WDR33: variants seen among roughly 807,000 people sequenced by gnomAD.
WDR33 encodes the protein WD repeat domain 33, also known as pre-mRNA 3' end processing protein WDR33.
In WDR33, 47 loss-of-function variants were observed where a neutral mutation model predicts 164.9. That is an observed-to-expected ratio of 0.29 (90% CI 0.23 to 0.36). The LOEUF is 0.36. WDR33 is among the 10% of genes least tolerant of loss of function. The pLI, the probability that WDR33 is intolerant of heterozygous loss-of-function variation, is 1.00. For synonymous variants in WDR33, 505 were observed against 589.0 expected (o/e 0.86, Z 2.06); for missense variants, 1,137 against 1,754.1 (o/e 0.65, Z 6.28).
chr2:127,790,950 A>G (rs1688822395), intron 1 of WDR33, among the ~76,000 whole-genome samples: 1 of 152,124 alleles, frequency 6.6e-6, no homozygotes, highest in African/African-American at 2.4e-5. Flanking sequence ...TAAGATCTGT[A>G]GTAATATTCC....
At position 127,703,079 on chromosome 2, in the gene WDR33, T is replaced by G. The variant is rs1053889601; in HGVS notation, c.*3244A>C. The G allele has an allele frequency of 1.2e-5, 2 of 167,100 alleles. No individual in the cohort carries two copies. The highest frequency in any genetic ancestry group is 4.8e-5 in the African/African-American group (2 of 41,480). 10.4% of individuals were successfully genotyped at this position (167,100 alleles called of 1,614,324 possible). A position where few individuals can be genotyped will look rare whatever the true frequency, so the allele number is the denominator to read the frequency against. On this transcript the variant is annotated 3_prime_UTR_variant, in exon 22 of 22. Transcript: ENST00000322313. ...TTCATTTTAGGTTCAGCAGTTACTT[T>G]TAACTACCTTAATTTATTGCCAGAA...
intron 7 of WDR33, among the ~76,000 whole-genome samples, chr2:127,743,910 G>T (rs918690710): frequency 1.3e-5 from 2 of 152,138 alleles, no homozygotes; most frequent in Admixed American, 1.3e-4. Flanking sequence ...GTGAAATTCT[G>T]ATGACCACAA....
chr2:127,701,905 T>C lies in WDR33; in HGVS notation c.*4418A>G. Reference sequence around the variant, plus strand: ...CTGGCGTTGGCGGGAAGCGCGCTGCTGCGGGGCGGCGCGGCGTGCGGACGC... The same window carrying C: ...CTGGCGTTGGCGGGAAGCGCGCTGCCGCGGGGCGGCGCGGCGTGCGGACGC... On this transcript the variant is annotated 3_prime_UTR_variant, in exon 22 of 22. Transcript: ENST00000322313. 1 of 1,452,458 alleles carries C rather than the reference T, an allele frequency of 6.9e-7. No homozygotes were observed. Among genetic ancestry groups the C allele is most frequent in the South Asian group, 1.3e-5 (1 of 76,690 alleles). 90.0% of individuals were successfully genotyped at this position (1,452,458 alleles called of 1,614,324 possible). A position where few individuals can be genotyped will look rare whatever the true frequency, so the allele number is the denominator to read the frequency against.
In WDR33 at chr2:127,713,809, G is replaced by C. The variant is rs1426907967; in HGVS notation, c.3082C>G (p.Arg1028Gly). Reference protein sequence around the residue: ...DFHPDKRFGHRLREFEGRGGP... With the variant: ...DFHPDKRFGHGLREFEGRGGP... ...CCTCGCCCCTCAAATTCACGTAACCGGTGGCCAAAGCGCTTGTCAGGGTGG... is the reference window on the plus strand; with the variant it reads ...CCTCGCCCCTCAAATTCACGTAACCCGTGGCCAAAGCGCTTGTCAGGGTGG... The change falls in exon 18 of 22, where the codon CGG becomes GGG. Residue 1028 changes from arginine to glycine, a missense_variant. Transcript: ENST00000322313. The surrounding 1 kb of genome is among the most constrained non-coding windows in gnomAD (Gnocchi z 6.2). The C allele has an allele frequency of 6.2e-7, 1 of 1,614,218 alleles. No homozygotes were observed. Among genetic ancestry groups the C allele is most frequent in the Admixed American group, 1.7e-5 (1 of 60,030 alleles).
rs35345585 is a variant in WDR33 at position 127,783,599 on chromosome 2, CTTTTT to C, written c.-23-12600_-23-12596del. On this transcript the variant is annotated intron_variant, in intron 1 of 21. Transcript: ENST00000322313. ...CTTCAGCTATTTTATTTCAGGACTCCTTTTTTTTTTTTTTTTTTTTTTTTTGAGAC... is the reference window on the plus strand; with the variant it reads ...CTTCAGCTATTTTATTTCAGGACTCCTTTTTTTTTTTTTTTTTTTTGAGAC... 1.7e-3 allele frequency among the ~76,000 whole-genome samples: 141 copies of C among 84,412 alleles called. 1 individual carries two copies. Among genetic ancestry groups the C allele is most frequent in the African/African-American group, 6.6e-3 (133 of 20,224 alleles). The allele number at this position is 84,412 out of a possible 152,430, so 55.4% of individuals were successfully genotyped here.
At chr2:127,742,010 G>C (rs1324950093) in intron 7 of WDR33, among the ~76,000 whole-genome samples, 1 of 151,364 alleles carries the variant, frequency 6.6e-6, no homozygotes, top group African/African-American at 2.4e-5. Context: ...AGATCAGCCT[G>C]GCCAACATAA....
chr2:127,747,231 TGGAATA>T (rs1211135813), intron 7 of WDR33, among the ~76,000 whole-genome samples: 1 of 152,214 alleles, frequency 6.6e-6, no homozygotes, highest in Non-Finnish European at 1.5e-5. Context: ...GTGGTAACTC[TGGAATA>T]TGCTGTTTTT....
In WDR33 at chr2:127,729,520, C is replaced by T. The variant is rs138435933; in HGVS notation, c.725-2743G>A. ...CTTTTTTTTTTTTTTGAGATGGAGT[C>T]TCTCTCTGTCACCCAGGCTGGAGTG... On this transcript the variant is annotated intron_variant, in intron 7 of 21. Transcript: ENST00000322313. Among the ~76,000 whole-genome samples, 1,222 of 149,742 alleles carry T rather than the reference C, an allele frequency of 8.2e-3. 10 individuals are homozygous for T. Among genetic ancestry groups the T allele is most frequent in the Middle Eastern group, 0.031 (9 of 292 alleles).
At chr2:127,786,965 A>T (rs562629391) in intron 1 of WDR33, among the ~76,000 whole-genome samples, 2 of 122,054 alleles carry the variant, frequency 1.6e-5, no homozygotes, top group South Asian at 6.4e-4. Context: ...TAAACAAGTG[A>T]ACAAAGGTCT....
intron 7 of WDR33, among the ~76,000 whole-genome samples, chr2:127,757,031 T>G (rs957312081): frequency 6.7e-6 from 1 of 149,576 alleles, no homozygotes. Context: ...GGGCCAGTAT[T>G]GCGCCACTGC....
At position 127,717,236 on chromosome 2, in the gene WDR33, G is replaced by A; in HGVS notation, c.2788C>T (p.Leu930=). 1 of 1,603,974 alleles carries A rather than the reference G, an allele frequency of 6.2e-7. No homozygotes were observed. Among genetic ancestry groups the A allele is most frequent in the Non-Finnish European group, 8.5e-7 (1 of 1,175,586 alleles). ...QEGQSTGPPP[L]IPGLGQQGAQ... Reference sequence around the variant, plus strand: ...CCCTGCTGCCCTAGGCCTGGTATCAGGGGTGGGGGGCCTGTGCTCTGTCCT... The same window carrying A: ...CCCTGCTGCCCTAGGCCTGGTATCAAGGGTGGGGGGCCTGTGCTCTGTCCT... Residue 930 remains leucine, a synonymous_variant, in exon 17 of 22, where the codon CTG becomes TTG. Transcript: ENST00000322313. This position sits in a 1 kb window ranked among gnomAD's most constrained non-coding sequence, Gnocchi z 5.6.
Position 127,716,377 on chromosome 2 carries a change from C to T in WDR33, c.2869+778G>A, listed in dbSNP as rs546069383. On this transcript the variant is annotated intron_variant, in intron 17 of 21. Coordinates refer to ENST00000322313, the MANE Select transcript of WDR33 (RefSeq NM_018383.5). The surrounding 1 kb of genome is among the most constrained non-coding windows in gnomAD (Gnocchi z 4.5). ...TGTGAAGGGCAATCTCTGCGGTCCT[C>T]CTGATTCTCCGAGTTGTGGTTTCTC... is the stretch of plus-strand genomic sequence containing the variant. Among the ~76,000 whole-genome samples the T allele has an allele frequency of 8.5e-5, 13 of 152,194 alleles. No homozygotes were observed. The highest frequency in any genetic ancestry group is 1.5e-4 in the Non-Finnish European group (10 of 68,040).
intron 4 of WDR33, among the ~76,000 whole-genome samples, chr2:127,765,726 CAAGAT>C (rs1297099502): frequency 6.7e-6 from 1 of 149,064 alleles, no homozygotes; most frequent in Non-Finnish European, 1.5e-5. Flanking sequence ...ATTAAAAAAA[CAAGAT>C]AATAATAAGT....
intron 7 of WDR33, among the ~76,000 whole-genome samples, chr2:127,727,415 C>T (rs1368107209): frequency 2.0e-5 from 3 of 152,110 alleles, no homozygotes; most frequent in African/African-American, 7.2e-5. Context: ...TTATAAGCAT[C>T]ATCTTTTTAA....
chr2:127,707,809 C>T (rs75317394), intron 21 of WDR33, among the ~76,000 whole-genome samples: 171 of 152,282 alleles, frequency 1.1e-3, no homozygotes, highest in African/African-American at 4.0e-3. Flanking sequence ...TCTAAAAACA[C>T]AAAAGCATGG....
At position 127,764,743 on chromosome 2, in the gene WDR33, A is replaced by T; in HGVS notation, c.626+85T>A. 6.2e-7 allele frequency: 1 copy of T among 1,614,220 alleles called. No individual in the cohort carries two copies. Among genetic ancestry groups the T allele is most frequent in the Non-Finnish European group, 8.5e-7 (1 of 1,180,042 alleles). On this transcript the variant is annotated intron_variant, in intron 6 of 21. Coordinates refer to ENST00000322313, the MANE Select transcript of WDR33 (RefSeq NM_018383.5). This position sits in a 1 kb window ranked among gnomAD's most constrained non-coding sequence, Gnocchi z 6.2. The stretch of plus-strand genomic sequence containing the variant: ...AGTTTCCCAGAAACTGACAGAGCCC[A>T]TGCATCTCTGCACCCAGAATACACT...
chr2:127,719,995 A>C lies in WDR33; in HGVS notation c.2030T>G (p.Met677Arg). 6.2e-7 allele frequency: 1 copy of C among 1,613,692 alleles called. No homozygotes were observed. Among genetic ancestry groups the C allele is most frequent in the Non-Finnish European group, 8.5e-7 (1 of 1,179,892 alleles). ...RPQDMHGPQGMQRHPGPHGPL... is the reference protein window; with the variant it reads ...RPQDMHGPQGRQRHPGPHGPL... Reference sequence around the variant, plus strand: ...GCCATGAGGTCCAGGATGCCTCTGCATTCCTTGGGGCCCATGCATGTCCTG... The same window carrying C: ...GCCATGAGGTCCAGGATGCCTCTGCCTTCCTTGGGGCCCATGCATGTCCTG... Residue 677 changes from methionine (M) to arginine (R), a missense_variant, in exon 16 of 22, where the codon ATG (methionine) becomes AGG (arginine). Met to Arg is a moderately conservative substitution (Grantham distance 91). Transcript: ENST00000322313. The surrounding 1 kb of genome is among the most constrained non-coding windows in gnomAD (Gnocchi z 6.5).
Position 127,769,011 on chromosome 2 carries a change from A to G in WDR33, c.205-10T>C. The G allele has an allele frequency of 8.7e-7, 1 of 1,151,348 alleles. No homozygotes were observed. 71.3% of individuals were successfully genotyped at this position (1,151,348 alleles called of 1,614,324 possible). A position where few individuals can be genotyped will look rare whatever the true frequency, so the allele number is the denominator to read the frequency against. The stretch of plus-strand genomic sequence containing the variant: ...TTTGCCATATTCTGTTCTGTTAAAT[A>G]AATAAATAAATAAATAAATAAATAA... On this transcript the variant is annotated splice_polypyrimidine_tract_variant and intron_variant, in intron 2 of 21. Coordinates refer to ENST00000322313, the MANE Select transcript of WDR33 (RefSeq NM_018383.5).
chr2:127,726,509 TA>T lies in WDR33; in HGVS notation c.851+141del. ...TCAGAGATGAATCATATTTAATTCA[TA>T]AGAAGTCTATAGATCCAAGTCCATC... On this transcript the variant is annotated intron_variant, in intron 8 of 21. Coordinates refer to ENST00000322313, the MANE Select transcript of WDR33 (RefSeq NM_018383.5). This position sits in a 1 kb window ranked among gnomAD's most constrained non-coding sequence, Gnocchi z 4.8. 8.8e-7 allele frequency: 1 copy of T among 1,132,886 alleles called. No individual in the cohort carries two copies. The highest frequency in any genetic ancestry group is 1.2e-6 in the Non-Finnish European group (1 of 815,744). 70.2% of individuals were successfully genotyped at this position (1,132,886 alleles called of 1,614,324 possible). A position where few individuals can be genotyped will look rare whatever the true frequency, so the allele number is the denominator to read the frequency against.
Sources: allele counts gnomAD v4.1 joint callset (sites outside exome capture counted in the v4.1 genomes callset), GRCh38; gene constraint gnomAD v4.1.1; non-coding constraint Gnocchi (gnomAD v3.1); transcripts MANE v1.5; gene names NCBI Gene and HGNC (gene_info 2026-07-23, HGNC 2026-07-21).